The following ARHGAP24 variants were observed in gnomAD, a reference collection of about 807,000 sequenced individuals.
The protein encoded by ARHGAP24 is Rho GTPase activating protein 24, also known as rho GTPase-activating protein 24.
Under a neutral mutation model 76.4 loss-of-function variants are expected in ARHGAP24, and 50 were observed. The ratio of observed to expected loss-of-function variants is 0.65; its 90% CI spans 0.52 to 0.83. The LOEUF is 0.83. ARHGAP24 is among the 40% of genes least tolerant of loss of function. The probability of loss-of-function intolerance (pLI) is 0.00; values close to 1 mark genes in which losing one functional copy is unlikely to be tolerated. For synonymous variants in ARHGAP24, 345 were observed against 323.3 expected, an observed-to-expected ratio of 1.07 and a Z score of -0.72; for missense variants, 930 against 914.2, an observed-to-expected ratio of 1.02 and a Z score of -0.22.
chr4:85,755,510 G>A (rs1325674881), intron 3 of ARHGAP24, among the ~76,000 whole-genome samples: 1 of 151,226 alleles, frequency 6.6e-6, no homozygotes, highest in African/African-American at 2.4e-5. Context: ...TGAAGAGCAT[G>A]TTTTCTTCCT....
At chr4:85,868,515 T>C (rs1901675) in intron 3 of ARHGAP24, among the ~76,000 whole-genome samples, 144,902 of 152,174 alleles carry the variant, frequency 0.95, 69,448 homozygotes, top group East Asian at 1. Context: ...CTTTGAGTAA[T>C]GAAACAAAGT....
chr4:85,920,024 C>T lies in ARHGAP24; in HGVS notation c.269-3624C>T, dbSNP rs548195696. Among the ~76,000 whole-genome samples, 110 of 152,018 alleles carry T rather than the reference C, an allele frequency of 7.2e-4. 3 individuals carry two copies. The highest frequency in any genetic ancestry group is 3.3e-4 in the Admixed American group (5 of 15,252). The stretch of plus-strand genomic sequence containing the variant: ...TTAACGTATGGTATGTTTACATGTG[C>T]GGTATGTAATTTTAATGTGCTTTGG... On this transcript the variant is annotated intron_variant, in intron 3 of 9. Coordinates refer to ENST00000395184, the MANE Select transcript of ARHGAP24 (RefSeq NM_001025616.3).
intron 1 of ARHGAP24, among the ~76,000 whole-genome samples, chr4:85,513,059 T>C (rs950045406): frequency 6.6e-6 from 1 of 152,228 alleles, no homozygotes; most frequent in African/African-American, 2.4e-5. Flanking sequence ...TCGTAGGTGC[T>C]CCCTCTGTGG....
At chr4:85,675,785 C>A (rs1706835968) in intron 2 of ARHGAP24, among the ~76,000 whole-genome samples, 1 of 152,134 alleles carries the variant, frequency 6.6e-6, no homozygotes, top group African/African-American at 2.4e-5. Flanking sequence ...AGCAAAGCTG[C>A]CTTATTGTTT....
chr4:85,747,375 C>T (rs1726081112), intron 3 of ARHGAP24, among the ~76,000 whole-genome samples: 1 of 151,914 alleles, frequency 6.6e-6, no homozygotes, highest in African/African-American at 2.4e-5. Context: ...CAAATAAAAA[C>T]AAAATTGAAC....
intron 3 of ARHGAP24, among the ~76,000 whole-genome samples, chr4:85,854,761 C>T (rs1459921010): frequency 6.6e-6 from 1 of 152,152 alleles, no homozygotes; most frequent in Non-Finnish European, 1.5e-5. Flanking sequence ...CCCTGGAATA[C>T]TGCCACTTGA....
chr4:85,700,891 A>G (rs1183824445), intron 2 of ARHGAP24, among the ~76,000 whole-genome samples: 2 of 152,180 alleles, frequency 1.3e-5, no homozygotes, highest in East Asian at 3.8e-4. Context: ...AGCAGGCAAA[A>G]CAAAAATAAA....
intron 2 of ARHGAP24, among the ~76,000 whole-genome samples, chr4:85,696,124 C>CT (rs1723855901): frequency 6.6e-6 from 1 of 151,766 alleles, no homozygotes; most frequent in African/African-American, 2.4e-5. Context: ...GATCCAACAG[C>CT]TTTTATTTTT....
At chr4:85,576,816 T>G (rs948013221) in intron 2 of ARHGAP24, among the ~76,000 whole-genome samples, 12 of 152,158 alleles carry the variant, frequency 7.9e-5, no homozygotes, top group African/African-American at 2.2e-4. Flanking sequence ...AGGAATAACT[T>G]TTTTAAGAGT....
At chr4:85,494,149 CT>C (rs1050483861) in intron 1 of ARHGAP24, among the ~76,000 whole-genome samples, 33 of 152,036 alleles carry the variant, frequency 2.2e-4, no homozygotes, top group African/African-American at 4.3e-4. Flanking sequence ...ATCATGTTTT[CT>C]TTTTTTTCTT....
At chr4:85,828,988 G>A (rs948323930) in intron 3 of ARHGAP24, among the ~76,000 whole-genome samples, 1 of 151,974 alleles carries the variant, frequency 6.6e-6, no homozygotes, top group African/African-American at 2.4e-5. Context: ...ATTGAAATGA[G>A]GAATAATTAT....
chr4:85,849,518 C>G (rs1451186179), intron 3 of ARHGAP24, among the ~76,000 whole-genome samples: 1 of 152,186 alleles, frequency 6.6e-6, no homozygotes, highest in African/African-American at 2.4e-5. Flanking sequence ...GCATCCCTGT[C>G]TTATGCCAGT....
At chr4:85,854,006 A>G (rs1023251487) in intron 3 of ARHGAP24, among the ~76,000 whole-genome samples, 1 of 151,604 alleles carries the variant, frequency 6.6e-6, no homozygotes, top group Non-Finnish European at 1.5e-5. Flanking sequence ...GTGGTGGTGC[A>G]TGCCTGTAAT....
chr4:85,783,470 C>CTT (rs879362490), intron 3 of ARHGAP24, among the ~76,000 whole-genome samples: 1 of 145,350 alleles, frequency 6.9e-6, no homozygotes, highest in Admixed American at 6.9e-5. Flanking sequence ...GTCCTGATCA[C>CTT]TTTTTTTTTT....
intron 3 of ARHGAP24, among the ~76,000 whole-genome samples, chr4:85,781,095 AT>A (rs1405206555): frequency 6.6e-6 from 1 of 152,200 alleles, no homozygotes; most frequent in Non-Finnish European, 1.5e-5. Flanking sequence ...AAAAATATTC[AT>A]TTTCTGGTTT....
At position 85,827,628 on chromosome 4, in the gene ARHGAP24, C is replaced by T. The variant is rs542218246; in HGVS notation, c.269-96020C>T. The T allele has an allele frequency of 1.1e-4, 24 of 216,198 alleles. No individual in the cohort carries two copies. In the East Asian group the frequency reaches 2.4e-3, roughly 22 times the overall value. The allele number at this position is 216,198 out of a possible 1,614,324, so 13.4% of individuals were successfully genotyped here. ...TGTCCCAGCTCTGATTTACGGAGTT[C>T]AGAATCTCGAAAGGCAAGGTGTCTG... On this transcript the variant is annotated intron_variant, in intron 3 of 9. Transcript: ENST00000395184.
chr4:85,658,663 A>G (rs980146322), intron 2 of ARHGAP24, among the ~76,000 whole-genome samples: 2 of 152,254 alleles, frequency 1.3e-5, no homozygotes, highest in Admixed American at 1.3e-4. Flanking sequence ...CTGTCTTCAT[A>G]GTAATATTAG....
chr4:85,890,323 A>C (rs549623951), intron 3 of ARHGAP24, among the ~76,000 whole-genome samples: 12 of 152,072 alleles, frequency 7.9e-5, no homozygotes, highest in Non-Finnish European at 1.2e-4. Context: ...CTTGGTCATC[A>C]CACAAACCCT....
At chr4:85,764,069 T>A (rs1177097690) in intron 3 of ARHGAP24, among the ~76,000 whole-genome samples, 1 of 152,188 alleles carries the variant, frequency 6.6e-6, no homozygotes, top group Non-Finnish European at 1.5e-5. Flanking sequence ...AATATACATA[T>A]GTATAATTTA....
Sources: allele counts gnomAD v4.1 joint callset (sites outside exome capture counted in the v4.1 genomes callset), GRCh38; gene constraint gnomAD v4.1.1; transcripts MANE v1.5; gene names NCBI Gene and HGNC (gene_info 2026-07-23, HGNC 2026-07-21).